Variants in PHF14 observed in about 807,000 individuals in gnomAD.
The protein encoded by PHF14 is PHD finger protein 14.
Under a neutral mutation model 117.9 loss-of-function variants are expected in PHF14, and 55 were observed. That is an observed-to-expected ratio of 0.47 (90% CI 0.38 to 0.58). The LOEUF is 0.58. Among genes scored for constraint, PHF14 ranks in the 20% least tolerant of loss-of-function variants. PHF14 has a pLI of 0.00. For missense variants in PHF14, 978 were observed against 1,122.2 expected (o/e 0.87, Z 1.84); for synonymous variants, 409 against 368.6 (o/e 1.11, Z -1.26).
chr7:11,159,359 A>G (rs1041695365), intron 17 of PHF14, among the ~76,000 whole-genome samples: 10 of 152,062 alleles, frequency 6.6e-5, no homozygotes, highest in Non-Finnish European at 1.3e-4. Context: ...TGGTTTGCCT[A>G]GAACATCAAG....
intron 14 of PHF14, among the ~76,000 whole-genome samples, chr7:11,052,549 A>G (rs908483130): frequency 6.6e-6 from 1 of 152,198 alleles, no homozygotes; most frequent in Non-Finnish European, 1.5e-5. Flanking sequence ...CAGTTTTGCT[A>G]GATAACTGCA....
At position 11,054,903 on chromosome 7, in the gene PHF14, T is replaced by G. The variant is rs370439873; in HGVS notation, c.2481+3123T>G. ...CATAAATTGATCAAAGTATAATTTG[T>G]TTTCATGTTAGTCTTATTATTCTGT... On this transcript the variant is annotated intron_variant, in intron 14 of 17. Transcript: ENST00000634607. 2.8e-4 allele frequency among the ~76,000 whole-genome samples: 43 copies of G among 152,234 alleles called. No individual in the cohort carries two copies. The East Asian group carries it at 7.3e-3, about 26-fold the overall frequency.
At chr7:11,154,883 A>T (rs1233413570) in intron 17 of PHF14, among the ~76,000 whole-genome samples, 1 of 152,138 alleles carries the variant, frequency 6.6e-6, no homozygotes, top group East Asian at 1.9e-4. Flanking sequence ...TGTAATACCA[A>T]CAGTTGAAAT....
chr7:11,099,503 C>T (rs1374394214), intron 16 of PHF14, among the ~76,000 whole-genome samples: 1 of 152,052 alleles, frequency 6.6e-6, no homozygotes, highest in Non-Finnish European at 1.5e-5. Flanking sequence ...CAAGCACCTA[C>T]AGCAGTGAAA....
At chr7:11,051,213 T>C (rs921474206) in intron 13 of PHF14, among the ~76,000 whole-genome samples, 2 of 140,000 alleles carry the variant, frequency 1.4e-5, no homozygotes, top group Non-Finnish European at 3.2e-5. Flanking sequence ...GTTAATTTTC[T>C]TTTTTTTTTT....
At chr7:11,074,473 G>A (rs1394747973) in intron 16 of PHF14, among the ~76,000 whole-genome samples, 1 of 152,100 alleles carries the variant, frequency 6.6e-6, no homozygotes. Flanking sequence ...GCCTCCCAAA[G>A]TGCTGGGATT....
chr7:11,015,340 A>G (rs560407190), intron 5 of PHF14: 1 of 152,254 alleles, frequency 6.6e-6, no homozygotes, highest in South Asian at 2.1e-4. Context: ...GGAGAATCCC[A>G]TGTGTTGATG....
At chr7:11,020,718 A>G (rs532249728) in intron 5 of PHF14, among the ~76,000 whole-genome samples, 1 of 152,144 alleles carries the variant, frequency 6.6e-6, no homozygotes, top group South Asian at 2.1e-4. Context: ...TAGATTTAGT[A>G]AGTCTTAGTT....
At chr7:11,106,453 A>G in intron 16 of PHF14, 2 of 949,212 alleles carry the variant, frequency 2.1e-6, no homozygotes, top group Non-Finnish European at 2.5e-6. Context: ...GGTAATTTGC[A>G]CTAAAATTGT....
chr7:10,974,216 G>A lies in PHF14; in HGVS notation c.-108G>A, dbSNP rs1308523567. 1 of 956,214 alleles carries A rather than the reference G, an allele frequency of 1.0e-6. No homozygotes were observed. The highest frequency in any genetic ancestry group is 1.4e-5 in the South Asian group (1 of 72,196). The allele number at this position is 956,214 out of a possible 1,614,324, so 59.2% of individuals were successfully genotyped here. ...GCTGGCTGCGCGCCGGTTTTAAATAGCATCTTTCGGACTTGTCTTCGCGGC... is the reference window on the plus strand; with the variant it reads ...GCTGGCTGCGCGCCGGTTTTAAATAACATCTTTCGGACTTGTCTTCGCGGC... On this transcript the variant is annotated 5_prime_UTR_variant, in exon 1 of 18. Coordinates refer to ENST00000634607, the MANE Select transcript of PHF14 (RefSeq NM_001007157.2).
At chr7:11,001,152 G>A (rs927909878) in intron 4 of PHF14, among the ~76,000 whole-genome samples, 8 of 152,204 alleles carry the variant, frequency 5.3e-5, no homozygotes, top group African/African-American at 1.9e-4. Flanking sequence ...TAAAAAAGCT[G>A]TCTGTGCTCC....
intron 2 of PHF14, among the ~76,000 whole-genome samples, chr7:10,980,573 A>G (rs1243439960): frequency 2.0e-5 from 3 of 152,124 alleles, no homozygotes; most frequent in Non-Finnish European, 4.4e-5. Context: ...CTTGTTTGTG[A>G]GTAATATTGG....
At chr7:10,988,919 A>G (rs913060395) in intron 3 of PHF14, among the ~76,000 whole-genome samples, 2 of 152,128 alleles carry the variant, frequency 1.3e-5, no homozygotes, top group African/African-American at 4.8e-5. Flanking sequence ...AAACTTAGGA[A>G]TGTTTGATTT....
chr7:11,055,340 C>G (rs1159970141), intron 14 of PHF14, among the ~76,000 whole-genome samples: 1 of 152,182 alleles, frequency 6.6e-6, no homozygotes, highest in Non-Finnish European at 1.5e-5. Context: ...TCTTTGCACT[C>G]TAAGTCATGT....
chr7:11,018,298 T>C (rs1218933493), intron 5 of PHF14, among the ~76,000 whole-genome samples: 1 of 152,102 alleles, frequency 6.6e-6, no homozygotes, highest in Admixed American at 6.6e-5. Context: ...GTCATTGGTA[T>C]TTTGATAGGG....
intron 16 of PHF14, among the ~76,000 whole-genome samples, chr7:11,085,440 A>G (rs1234995169): frequency 6.6e-6 from 1 of 152,152 alleles, no homozygotes; most frequent in Admixed American, 6.5e-5. Context: ...AATGTATTGG[A>G]TCTTAATGGT....
At chr7:11,110,757 T>G (rs892025100) in intron 16 of PHF14, among the ~76,000 whole-genome samples, 1 of 152,080 alleles carries the variant, frequency 6.6e-6, no homozygotes, top group Non-Finnish European at 1.5e-5. Context: ...ATGTAAAGGT[T>G]ATTTTTATTT....
At chr7:11,107,643 T>G in intron 16 of PHF14, 2 of 684,158 alleles carry the variant, frequency 2.9e-6, no homozygotes, top group Non-Finnish European at 3.6e-6. Flanking sequence ...TTTTAATATT[T>G]TAAGACATTG....
At chr7:11,060,338 C>T (rs1487315190) in intron 14 of PHF14, among the ~76,000 whole-genome samples, 1 of 151,978 alleles carries the variant, frequency 6.6e-6, no homozygotes, top group Non-Finnish European at 1.5e-5. Context: ...ATGATATGGT[C>T]CTTACCAAAT....
Sources: allele counts gnomAD v4.1 joint callset (sites outside exome capture counted in the v4.1 genomes callset), GRCh38; gene constraint gnomAD v4.1.1; transcripts MANE v1.5; gene names NCBI Gene and HGNC (gene_info 2026-07-23, HGNC 2026-07-21).